The following RFX3 variants were observed in gnomAD, a reference collection of about 807,000 sequenced individuals.
RFX3 encodes the protein transcription factor RFX3.
Under a neutral mutation model 98.6 loss-of-function variants are expected in RFX3, and 14 were observed. The observed-to-expected ratio is 0.14, with a 90% confidence interval of 0.09 to 0.22. The LOEUF (loss-of-function observed/expected upper bound fraction) is 0.22. RFX3 is among the 10% of genes least tolerant of loss of function. The pLI, the probability that RFX3 is intolerant of heterozygous loss-of-function variation, is 1.00. For missense variants in RFX3, 639 were observed against 926.9 expected, an observed-to-expected ratio of 0.69 and a Z score of 4.03; for synonymous variants, 383 against 328.4, an observed-to-expected ratio of 1.17 and a Z score of -1.80.
chr9:3,510,140 G>A lies in RFX3; in HGVS notation c.-9+15607C>T, dbSNP rs553499101. On this transcript the variant is annotated intron_variant, in intron 1 of 16. Coordinates refer to ENST00000617270, the MANE Select transcript of RFX3 (RefSeq NM_001282116.2). ...ATGGCTGTCTCTTTTGGTCTGCTGT[G>A]CAGGGCCAGACATAGTAAACGGAAA... Among the ~76,000 whole-genome samples, 6 of 152,012 alleles carry A rather than the reference G, an allele frequency of 3.9e-5. 1 individual carries two copies. In the East Asian group the frequency reaches 7.7e-4, roughly 20 times the overall value.
At chr9:3,357,100 C>A (rs996107075) in intron 2 of RFX3, among the ~76,000 whole-genome samples, 3 of 151,808 alleles carry the variant, frequency 2.0e-5, no homozygotes, top group Non-Finnish European at 4.4e-5. Context: ...TTGGCACTTT[C>A]AAAAATACTC....
At chr9:3,392,316 A>G (rs561734285) in intron 2 of RFX3, among the ~76,000 whole-genome samples, 3 of 152,258 alleles carry the variant, frequency 2.0e-5, no homozygotes, top group South Asian at 2.1e-4. Context: ...AGACTATGTA[A>G]AGAGAAAAAA....
intron 3 of RFX3, among the ~76,000 whole-genome samples, chr9:3,335,268 C>G (rs929921279): frequency 1.1e-4 from 17 of 152,106 alleles, no homozygotes; most frequent in African/African-American, 3.9e-4. Flanking sequence ...AGGTTTTTTC[C>G]ATGTCTAAAT....
chr9:3,414,756 G>GTATATATGTA (rs1842784195), intron 1 of RFX3, among the ~76,000 whole-genome samples: 1 of 127,336 alleles, frequency 7.9e-6, no homozygotes, highest in Non-Finnish European at 1.6e-5. Flanking sequence ...GTATATATGA[G>GTATATATGTA]TATATATGTA....
rs1818134679 is a variant in RFX3 at position 3,229,016 on chromosome 9, C to G, written c.1969-127G>C. 6.3e-6 allele frequency: 4 copies of G among 638,146 alleles called. No individual in the cohort carries two copies. In the South Asian group the frequency reaches 1.1e-4, roughly 18 times the overall value. 39.5% of individuals were successfully genotyped at this position (638,146 alleles called of 1,614,324 possible). On this transcript the variant is annotated intron_variant, in intron 15 of 16. Transcript: ENST00000617270. ...TGTAAACTAGTGGCCATTTTGATCTCTAATTACATGGATCACATAATTTTC... is the reference window on the plus strand; with the variant it reads ...TGTAAACTAGTGGCCATTTTGATCTGTAATTACATGGATCACATAATTTTC...
At position 3,225,051 on chromosome 9, in the gene RFX3, A is replaced by G; in HGVS notation, c.2241T>C (p.Thr747=). Residue 747 remains threonine (T), a synonymous_variant, in exon 17 of 17, where the codon ACT becomes ACC. Coordinates refer to ENST00000617270, the MANE Select transcript of RFX3 (RefSeq NM_001282116.2). ...RQCSATGNTY[T]AV Reference sequence around the variant, plus strand: ...TACGCTTTAATATTCTTTAGACTGCAGTGTAGGTATTTCCTGTAGCGCTGC... The same window carrying G: ...TACGCTTTAATATTCTTTAGACTGCGGTGTAGGTATTTCCTGTAGCGCTGC... 1.2e-6 allele frequency: 2 copies of G among 1,613,786 alleles called. No homozygotes were observed. Among genetic ancestry groups the G allele is most frequent in the Non-Finnish European group, 1.7e-6 (2 of 1,179,778 alleles).
intron 2 of RFX3, among the ~76,000 whole-genome samples, chr9:3,366,597 T>G (rs1837101171): frequency 6.6e-6 from 1 of 152,156 alleles, no homozygotes; most frequent in Admixed American, 6.5e-5. Flanking sequence ...AAGTTCTTTC[T>G]CTACCACTAG....
chr9:3,451,744 G>T (rs1176050528), intron 1 of RFX3, among the ~76,000 whole-genome samples: 2 of 151,886 alleles, frequency 1.3e-5, no homozygotes, highest in Non-Finnish European at 2.9e-5. Context: ...GGGAAACTGG[G>T]TGTAGCATAC....
chr9:3,386,566 T>C (rs1302090476), intron 2 of RFX3, among the ~76,000 whole-genome samples: 1 of 152,090 alleles, frequency 6.6e-6, no homozygotes, highest in Non-Finnish European at 1.5e-5. Flanking sequence ...CCACTCAATT[T>C]CCACAAAATC....
At chr9:3,339,154 T>C (rs577114503) in intron 3 of RFX3, among the ~76,000 whole-genome samples, 2 of 152,208 alleles carry the variant, frequency 1.3e-5, no homozygotes, top group South Asian at 4.1e-4. Context: ...AAGTCTACTG[T>C]TATAAAAAGG....
intron 10 of RFX3, 178 bp downstream of exon 10, chr9:3,270,825 T>C (rs1017903688): frequency 7.3e-6 from 6 of 823,690 alleles, no homozygotes; most frequent in African/African-American, 3.4e-5. Context: ...GGGAGCTATA[T>C]ACACACACTG....
chr9:3,339,138 A>C (rs928960590), intron 3 of RFX3, among the ~76,000 whole-genome samples: 9 of 151,956 alleles, frequency 5.9e-5, no homozygotes, highest in Admixed American at 2.0e-4. Context: ...TAAAAAAAAA[A>C]CCCCAAAGTC....
At chr9:3,266,935 C>T (rs1038767146) in intron 11 of RFX3, among the ~76,000 whole-genome samples, 2 of 151,886 alleles carry the variant, frequency 1.3e-5, no homozygotes, top group African/African-American at 4.8e-5. Flanking sequence ...TACGGAAACC[C>T]GTATTCTTAA....
At chr9:3,366,204 C>A (rs1193870738) in intron 2 of RFX3, among the ~76,000 whole-genome samples, 1 of 152,130 alleles carries the variant, frequency 6.6e-6, no homozygotes, top group Non-Finnish European at 1.5e-5. Flanking sequence ...AACACAAATA[C>A]AAGGGAAACA....
chr9:3,463,287 T>C (rs947946114), intron 1 of RFX3, among the ~76,000 whole-genome samples: 5 of 152,138 alleles, frequency 3.3e-5, no homozygotes, highest in Middle Eastern at 3.2e-3. Flanking sequence ...TTATTGTCTT[T>C]TTCAACAAAT....
At position 3,381,126 on chromosome 9, in the gene RFX3, T is replaced by C. The variant is rs973044353; in HGVS notation, c.117+14346A>G. ...AATCATGAGTTTTAAATATTATAAC[T>C]GCCTACCAAATCAATGAACCCATAG... On this transcript the variant is annotated intron_variant, in intron 2 of 16. Coordinates refer to ENST00000617270, the MANE Select transcript of RFX3 (RefSeq NM_001282116.2). Among the ~76,000 whole-genome samples, 4 of 152,072 alleles carry C rather than the reference T, an allele frequency of 2.6e-5. No individual in the cohort carries two copies. In the East Asian group the frequency reaches 7.7e-4, roughly 29 times the overall value.
chr9:3,275,982 C>T (rs1207684649), intron 8 of RFX3, among the ~76,000 whole-genome samples: 3 of 151,926 alleles, frequency 2.0e-5, no homozygotes, highest in Admixed American at 1.3e-4. Flanking sequence ...CATAAAAAAA[C>T]GAATTTTAAA....
At chr9:3,296,051 A>C (rs1312652141) in intron 5 of RFX3, among the ~76,000 whole-genome samples, 1 of 152,014 alleles carries the variant, frequency 6.6e-6, no homozygotes. Flanking sequence ...ATTTTTCATG[A>C]TCATAGGAAT....
chr9:3,502,986 A>T (rs1816208088), intron 1 of RFX3, among the ~76,000 whole-genome samples: 1 of 152,214 alleles, frequency 6.6e-6, no homozygotes, highest in Non-Finnish European at 1.5e-5. Flanking sequence ...TTTCCTAATC[A>T]AAAGAGTTAC....
Sources: allele counts gnomAD v4.1 joint callset (sites outside exome capture counted in the v4.1 genomes callset), GRCh38; gene constraint gnomAD v4.1.1; transcripts MANE v1.5; gene names NCBI Gene and HGNC (gene_info 2026-07-23, HGNC 2026-07-21).